The following MED12L variants were observed in gnomAD, a reference collection of about 807,000 sequenced individuals.
MED12L encodes the protein mediator of RNA polymerase II transcription subunit 12-like protein.
Under a neutral mutation model 281.3 loss-of-function variants are expected in MED12L, and 60 were observed. The observed-to-expected ratio is 0.21, with a 90% CI of 0.17 to 0.26. The LOEUF is 0.26. MED12L is among the 10% of genes least tolerant of loss of function. The probability of loss-of-function intolerance (pLI) is 1.00; values close to 1 mark genes in which losing one functional copy is unlikely to be tolerated. For synonymous variants in MED12L, 974 were observed against 987.2 expected (o/e 0.99, Z 0.25); for missense variants, 2,146 against 2,680.9 (o/e 0.80, Z 4.41).
chr3:151,260,285 A>T (rs897777516), intron 16 of MED12L, among the ~76,000 whole-genome samples: 1 of 152,180 alleles, frequency 6.6e-6, no homozygotes, highest in African/African-American at 2.4e-5. Context: ...TGCATTATGA[A>T]CTTATGTTAA....
At chr3:151,194,209 C>T (rs1211565164) in intron 16 of MED12L, among the ~76,000 whole-genome samples, 2 of 152,064 alleles carry the variant, frequency 1.3e-5, no homozygotes, top group African/African-American at 2.4e-5. Flanking sequence ...TCAGGTGATC[C>T]GTCCGCCTAG....
chr3:151,355,071 G>T lies in MED12L; in HGVS notation c.2399-50G>T, dbSNP rs532506798. The T allele has an allele frequency of 2.2e-6, 3 of 1,368,990 alleles. No homozygotes were observed. The East Asian group carries it at 6.9e-5, about 31-fold the overall frequency. The allele number at this position is 1,368,990 out of a possible 1,614,324, so 84.8% of individuals were successfully genotyped here. ...AAAAAAAGTATCCATTAAAAATGTC[G>T]AGAGCTTCTATTAAATGGAAAATAA... On this transcript the variant is annotated intron_variant, in intron 17 of 44. Coordinates refer to ENST00000687756, the MANE Select transcript of MED12L (RefSeq NM_001393769.1).
intron 38 of MED12L, among the ~76,000 whole-genome samples, chr3:151,393,810 C>CA (rs1346616868): frequency 6.6e-6 from 1 of 151,630 alleles, no homozygotes; most frequent in African/African-American, 2.4e-5. Flanking sequence ...TGGGTTTTTC[C>CA]AAAAAAACAG....
intron 16 of MED12L, among the ~76,000 whole-genome samples, chr3:151,207,110 T>C (rs1432535290): frequency 6.6e-6 from 1 of 151,544 alleles, no homozygotes; most frequent in Non-Finnish European, 1.5e-5. Context: ...GCAGTGGTTA[T>C]TCAGAGGTCT....
Position 151,380,152 on chromosome 3 carries a change from A to G in MED12L, c.4518A>G (p.Val1506=), listed in dbSNP as rs1473132042. ...LLSQQPFLSL[V]LTCLKGQDEQ... ...GTCAACAACCCTTCCTCTCACTGGTACTTACCTGCCTTAAGGGACAAGATG... is the reference window on the plus strand; with the variant it reads ...GTCAACAACCCTTCCTCTCACTGGTGCTTACCTGCCTTAAGGGACAAGATG... The change falls in exon 32 of 45, where the codon GTA becomes GTG. Residue 1506 remains valine (V), a synonymous_variant. Transcript: ENST00000687756. 1.2e-6 allele frequency: 2 copies of G among 1,608,194 alleles called. No individual in the cohort carries two copies.
At chr3:151,256,614 AAC>A (rs34062533) in intron 16 of MED12L, among the ~76,000 whole-genome samples, 45,857 of 151,988 alleles carry the variant, frequency 0.3, 7,124 homozygotes, top group East Asian at 0.48. Context: ...CAGAAATCAC[AAC>A]AGACTGCTGT....
chr3:151,191,010 G>A, intron 14 of MED12L, 79 bp downstream of exon 14: 2 of 1,245,500 alleles, frequency 1.6e-6, no homozygotes, highest in Non-Finnish European at 2.3e-6. Flanking sequence ...GTCATGTAGT[G>A]GTAGAAGAGT....
rs756530720 is a variant in MED12L at position 151,165,841 on chromosome 3, T to C, written c.1358-5T>C. 1.9e-6 allele frequency: 3 copies of C among 1,612,808 alleles called. No individual in the cohort carries two copies. Among genetic ancestry groups the C allele is most frequent in the Admixed American group, 1.7e-5 (1 of 59,782 alleles). On this transcript the variant is annotated splice_polypyrimidine_tract_variant and splice_region_variant and intron_variant, in intron 10 of 44. Transcript: ENST00000687756. The stretch of plus-strand genomic sequence containing the variant: ...ATTAACCACTTGTTTAATTTCTGCC[T>C]ATAGGGGTGACTATTAGTCGGGTTT...
Position 151,368,679 on chromosome 3 carries a change from CATTTCATTTT to C in MED12L, c.3550+438_3550+447del, listed in dbSNP as rs1301662842. On this transcript the variant is annotated intron_variant, in intron 25 of 44. Coordinates refer to ENST00000687756, the MANE Select transcript of MED12L (RefSeq NM_001393769.1). ...CATTTCATTTCATTTCATTTCATGT[CATTTCATTTT>C]ATTTCATTTCATTTCATTTCATTTC... Among the ~76,000 whole-genome samples, 49 of 41,908 alleles carry C rather than the reference CATTTCATTTT, an allele frequency of 1.2e-3. 2 individuals carry two copies. Among genetic ancestry groups the C allele is most frequent in the South Asian group, 3.5e-3 (4 of 1,150 alleles). The allele number at this position is 41,908 out of a possible 152,430, so 27.5% of individuals were successfully genotyped here.
At chr3:151,321,607 G>A (rs772623169) in intron 16 of MED12L, among the ~76,000 whole-genome samples, 6 of 152,002 alleles carry the variant, frequency 3.9e-5, no homozygotes, top group Admixed American at 1.3e-4. Flanking sequence ...CACATTTAAC[G>A]TTTAAACTGA....
chr3:151,368,310 T>C, intron 25 of MED12L, 59 bp downstream of exon 25: 2 of 1,445,434 alleles, frequency 1.4e-6, no homozygotes, highest in Admixed American at 3.4e-5. Context: ...GTTTCTAAAA[T>C]GACCAAATAG....
chr3:151,090,306 G>A (rs926925162), intron 2 of MED12L, among the ~76,000 whole-genome samples: 2 of 152,128 alleles, frequency 1.3e-5, no homozygotes, highest in Admixed American at 6.6e-5. Flanking sequence ...AAAGCACTTA[G>A]AACAGAATCT....
intron 16 of MED12L, among the ~76,000 whole-genome samples, chr3:151,304,880 A>G (rs1208322957): frequency 1.3e-5 from 2 of 152,152 alleles, no homozygotes; most frequent in South Asian, 2.1e-4. Flanking sequence ...ATAGGTACAC[A>G]GTTGAATTTA....
At chr3:151,359,717 T>C (rs1038887600) in intron 20 of MED12L, among the ~76,000 whole-genome samples, 3 of 152,146 alleles carry the variant, frequency 2.0e-5, no homozygotes, top group African/African-American at 7.2e-5. Context: ...TTTAATAATC[T>C]GTCATCTGTG....
At chr3:151,359,048 CAGT>C (rs1189264266) in intron 20 of MED12L, among the ~76,000 whole-genome samples, 2 of 152,072 alleles carry the variant, frequency 1.3e-5, no homozygotes, top group East Asian at 1.9e-4. Flanking sequence ...GCATAGTACT[CAGT>C]AGGTAGTTTT....
rs139896697 is a variant in MED12L at position 151,213,433 on chromosome 3, T to G, written c.2250+19767T>G. 125 of 1,614,110 alleles carry G rather than the reference T, an allele frequency of 7.7e-5. 1 individual carries two copies. The highest frequency in any genetic ancestry group is 1.9e-4 in the African/African-American group (14 of 75,048). ...CCTAAACGGCTGGCATAGAAAGAAA[T>G]AAATAATAGGGTCCAAGCATACATT... On this transcript the variant is annotated intron_variant, in intron 16 of 44. Coordinates refer to ENST00000687756, the MANE Select transcript of MED12L (RefSeq NM_001393769.1).
intron 16 of MED12L, among the ~76,000 whole-genome samples, chr3:151,315,452 G>A (rs879438221): frequency 2.0e-5 from 3 of 152,074 alleles, no homozygotes; most frequent in Non-Finnish European, 2.9e-5. Context: ...ATTTTCTGGC[G>A]GGATACTTTC....
chr3:151,396,013 A>G lies in MED12L; in HGVS notation c.5820+1146A>G, dbSNP rs141153579. ...TGAACTGTATGATGACGCAAGCAAC[A>G]GTCATCACCATGTGCTTGTCTCTTC... On this transcript the variant is annotated intron_variant, in intron 39 of 44. Coordinates refer to ENST00000687756, the MANE Select transcript of MED12L (RefSeq NM_001393769.1). Among the ~76,000 whole-genome samples the G allele has an allele frequency of 6.1e-3, 927 of 152,328 alleles. 9 individuals carry two copies. The highest frequency in any genetic ancestry group is 0.021 in the African/African-American group (881 of 41,578).
chr3:151,249,481 T>C (rs1882013), intron 16 of MED12L, among the ~76,000 whole-genome samples: 44,603 of 151,846 alleles, frequency 0.29, 6,663 homozygotes, highest in Non-Finnish European at 0.31. Context: ...GGGGTCTTGA[T>C]TGGTGCAGGG....
Sources: gnomAD v4.1 joint callset for allele counts (sites outside exome capture counted in the v4.1 genomes callset) on GRCh38, gnomAD v4.1.1 for gene constraint, MANE v1.5 for transcripts, NCBI Gene and HGNC (gene_info 2026-07-23, HGNC 2026-07-21) for gene names.